MYRF: variants seen among roughly 807,000 people sequenced by gnomAD.
MYRF encodes myelin regulatory factor.
MYRF carries 16 observed loss-of-function variants against 126.3 expected under a neutral mutation model. That is an observed-to-expected ratio of 0.13 (90% confidence interval 0.09 to 0.19). The LOEUF (loss-of-function observed/expected upper bound fraction) is 0.19. Ranked by LOEUF, MYRF falls within the 10% of genes least tolerant of loss-of-function variation. The pLI is 1.00. For synonymous variants in MYRF, 608 were observed against 635.3 expected, an observed-to-expected ratio of 0.96 and a Z score of 0.65; for missense variants, 1,104 against 1,547.0, an observed-to-expected ratio of 0.71 and a Z score of 4.80.
intron 1 of MYRF, among the ~76,000 whole-genome samples, chr11:61,753,558 TC>T (rs1017129866): frequency 2.0e-5 from 3 of 152,014 alleles, no homozygotes; most frequent in Admixed American, 6.5e-5. Context: ...GTGAACTGCA[TC>T]CCACCAGCCC....
chr11:61,777,767 C>G lies in MYRF; in HGVS notation c.1825C>G (p.Arg609Gly). 6.4e-7 allele frequency: 1 copy of G among 1,552,008 alleles called. No individual in the cohort carries two copies. Among genetic ancestry groups the G allele is most frequent in the Non-Finnish European group, 8.7e-7 (1 of 1,147,160 alleles). ...CACCGAGCAATTGAAGAGGATCTCGCGCATGCGGCTGGTGCACTACAGATA... is the reference window on the plus strand; with the variant it reads ...CACCGAGCAATTGAAGAGGATCTCGGGCATGCGGCTGGTGCACTACAGATA... The part of the protein sequence containing the change: ...DTTEQLKRIS[R>G]MRLVHYRYKP... The change falls in exon 13 of 27, where the codon CGC (arginine) becomes GGC (glycine). Residue 609 changes from arginine (R) to glycine (G), a missense_variant. Transcript: ENST00000278836. The surrounding 1 kb of genome is among the most constrained non-coding windows in gnomAD (Gnocchi z 8.8).
At position 61,786,951 on chromosome 11, in the gene MYRF, A is replaced by G. The variant is rs928145742; in HGVS notation, c.*808A>G. 1 of 152,652 alleles carries G rather than the reference A, an allele frequency of 6.6e-6. No individual in the cohort carries two copies. Among genetic ancestry groups the G allele is most frequent in the African/African-American group, 2.4e-5 (1 of 41,422 alleles). The allele number at this position is 152,652 out of a possible 1,614,324, so 9.5% of individuals were successfully genotyped here. ...GAACCAGGAATATCCAGGAAGAGGAAATTCCCTTTGAGCCCCCAGATGGTA... is the reference window on the plus strand; with the variant it reads ...GAACCAGGAATATCCAGGAAGAGGAGATTCCCTTTGAGCCCCCAGATGGTA... On this transcript the variant is annotated 3_prime_UTR_variant, in exon 27 of 27. Transcript: ENST00000278836. The surrounding 1 kb of genome is among the most constrained non-coding windows in gnomAD (Gnocchi z 4.5).
At chr11:61,773,498 G>A (rs2066282625) in intron 7 of MYRF, among the ~76,000 whole-genome samples, 1 of 152,170 alleles carries the variant, frequency 6.6e-6, no homozygotes, top group Non-Finnish European at 1.5e-5. Context: ...GCAGGGGCTG[G>A]GTCTGCAGCA....
intron 1 of MYRF, among the ~76,000 whole-genome samples, chr11:61,759,499 G>A (rs369712106): frequency 3.4e-4 from 51 of 152,178 alleles, no homozygotes; most frequent in Admixed American, 1.5e-3. Context: ...GTGAAATCCC[G>A]TCTCTACAAA....
At chr11:61,781,910 C>G (rs887344260) in intron 22 of MYRF, 86 bp downstream of exon 22, 3 of 1,424,176 alleles carry the variant, frequency 2.1e-6, no homozygotes, top group Non-Finnish European at 2.8e-6. Flanking sequence ...ATGTGACTGT[C>G]TGGGTTCAGA....
chr11:61,775,971 G>A, intron 8 of MYRF, 85 bp from the exon 9 acceptor site: 2 of 1,310,854 alleles, frequency 1.5e-6, no homozygotes, highest in Non-Finnish European at 2.2e-6. Context: ...GCTCTAGTTG[G>A]GCCAGGCCTG....
rs186008119 is a variant in MYRF at position 61,761,449 on chromosome 11, C to T, written c.47-4176C>T. ...AGCGGAGGGGAGGGGGCTGCCTTCC[C>T]ATAGTCTGGATCGCAGCCTGCCTGG... On this transcript the variant is annotated intron_variant, in intron 1 of 26. Transcript: ENST00000278836. Among the ~76,000 whole-genome samples the T allele has an allele frequency of 2.3e-4, 35 of 152,280 alleles. No individual in the cohort carries two copies. The East Asian group carries it at 6.8e-3, about 29-fold the overall frequency.
At chr11:61,772,072 A>C in intron 7 of MYRF, 120 bp downstream of exon 7, 1 of 1,415,136 alleles carries the variant, frequency 7.1e-7, no homozygotes, top group Non-Finnish European at 9.5e-7. Flanking sequence ...AGAAGAGCAA[A>C]CAGGCTCAGG....
chr11:61,772,335 G>GATCC (rs2066249562), intron 7 of MYRF, among the ~76,000 whole-genome samples: 1 of 152,154 alleles, frequency 6.6e-6, no homozygotes. Context: ...GGCTGGGGAG[G>GATCC]ATCCGGTCAG....
intron 3 of MYRF, chr11:61,767,391 G>A (rs566441550): frequency 3.1e-5 from 14 of 456,524 alleles, no homozygotes; most frequent in Non-Finnish European, 5.7e-5. Flanking sequence ...AGGAGCCCTG[G>A]CCACTGCTAC....
chr11:61,770,150 CGGGGT>C, intron 4 of MYRF, 91 bp from the exon 5 acceptor site: 1 of 1,285,340 alleles, frequency 7.8e-7, no homozygotes, highest in Non-Finnish European at 1.0e-6. Context: ...TGGCTCAGGA[CGGGGT>C]GGAAGCAGGA....
intron 8 of MYRF, among the ~76,000 whole-genome samples, chr11:61,775,751 TGGG>T (rs149895352): frequency 0.036 from 3,628 of 99,412 alleles, 145 homozygotes; most frequent in African/African-American, 0.13. Flanking sequence ...CATGCAGAGG[TGGG>T]GGGAGCGTGT....
Position 61,776,012 on chromosome 11 carries a change from C to A in MYRF, c.1312-44C>A. On this transcript the variant is annotated intron_variant, in intron 8 of 26. Transcript: ENST00000278836. This position sits in a 1 kb window ranked among gnomAD's most constrained non-coding sequence, Gnocchi z 4.3. Reference sequence around the variant, plus strand: ...GAGGGGGCAGGAGGGCAGGACCAGCCGGGTAGCCCCATCCTGAGGTGCCAC... The same window carrying A: ...GAGGGGGCAGGAGGGCAGGACCAGCAGGGTAGCCCCATCCTGAGGTGCCAC... 6.3e-7 allele frequency: 1 copy of A among 1,595,892 alleles called. No homozygotes were observed. The highest frequency in any genetic ancestry group is 8.6e-7 in the Non-Finnish European group (1 of 1,164,052).
intron 7 of MYRF, among the ~76,000 whole-genome samples, chr11:61,772,632 G>A (rs1334463066): frequency 2.0e-4 from 31 of 152,222 alleles, no homozygotes; most frequent in Admixed American, 2.0e-3. Context: ...GCCAGGTGGG[G>A]GTGCAGTCGT....
intron 1 of MYRF, 120 bp downstream of exon 1, chr11:61,752,910 G>A: frequency 4.1e-6 from 4 of 965,940 alleles, no homozygotes; most frequent in Non-Finnish European, 5.8e-6. Flanking sequence ...CCTCCTTCAG[G>A]CTGGCACCAG....
rs534457049 is a variant in MYRF, at chr11:61,766,267, G to A, written c.398+46G>A. ...GGGGGATACAGCGGCATAGGGGCAG[G>A]CAGGGAGCAGGGCTGTGGCCGTGAC... On this transcript the variant is annotated intron_variant, in intron 3 of 26. Coordinates refer to ENST00000278836, the MANE Select transcript of MYRF (RefSeq NM_001127392.3). 8.4e-6 allele frequency: 13 copies of A among 1,543,556 alleles called. No individual in the cohort carries two copies. The East Asian group carries it at 2.5e-4, about 30-fold the overall frequency.
chr11:61,785,993 T>C, intron 26 of MYRF, 70 bp from the exon 27 acceptor site: 2 of 1,559,976 alleles, frequency 1.3e-6, no homozygotes, highest in South Asian at 1.1e-5. Context: ...TGTCAAGCAA[T>C]GTCAGCAGGG....
chr11:61,772,083 G>C, intron 7 of MYRF, 131 bp downstream of exon 7: 1 of 1,342,978 alleles, frequency 7.4e-7, no homozygotes, highest in Non-Finnish European at 1.0e-6. Context: ...CAGGCTCAGG[G>C]AAGAGCCAGG....
Position 61,779,816 on chromosome 11 carries a change from T to C in MYRF, c.2248-26T>C. 1.2e-6 allele frequency: 2 copies of C among 1,608,054 alleles called. 1 individual carries two copies. On this transcript the variant is annotated intron_variant, in intron 16 of 26. Transcript: ENST00000278836. Reference sequence around the variant, plus strand: ...CAGCCTCAGCCTGGCCCTCTTTGCATTTGCACTTTTCCTCTTGGTCCTCAG... The same window carrying C: ...CAGCCTCAGCCTGGCCCTCTTTGCACTTGCACTTTTCCTCTTGGTCCTCAG...
Sources: gnomAD v4.1 joint callset for allele counts (sites outside exome capture counted in the v4.1 genomes callset) on GRCh38, gnomAD v4.1.1 for gene constraint, Gnocchi (gnomAD v3.1) non-coding constraint, MANE v1.5 for transcripts, NCBI Gene and HGNC (gene_info 2026-07-23, HGNC 2026-07-21) for gene names.